The following SHISAL2A variants were observed in gnomAD, a reference collection of about 807,000 sequenced individuals.
SHISAL2A encodes the protein shisa like 2A.
In SHISAL2A, 18 loss-of-function variants were observed where a neutral mutation model predicts 11.5. That is an observed-to-expected ratio of 1.57 (90% CI 1.08 to 2.33). The LOEUF (loss-of-function observed/expected upper bound fraction) is 2.33, where lower values mean the gene tolerates loss of function less well. Among genes scored for constraint, SHISAL2A ranks in the 30% most tolerant of loss-of-function variants. SHISAL2A has a pLI of 0.00. For missense variants in SHISAL2A, 261 were observed against 250.9 expected (o/e 1.04, Z -0.27); for synonymous variants, 94 against 99.6 (o/e 0.94, Z 0.34).
intron 1 of SHISAL2A, among the ~76,000 whole-genome samples, chr1:52,636,514 A>T (rs1245283443): frequency 6.6e-6 from 1 of 152,260 alleles, no homozygotes; most frequent in African/African-American, 2.4e-5. Flanking sequence ...AATAATGCAC[A>T]TGAAAGTGAC....
Position 52,639,815 on chromosome 1 carries a change from G to T in SHISAL2A, c.183-3048G>T, listed in dbSNP as rs1253276195. Among the ~76,000 whole-genome samples, 5 of 152,030 alleles carry T rather than the reference G, an allele frequency of 3.3e-5. No homozygotes were observed. The South Asian group carries it at 1.0e-3, about 32-fold the overall frequency. On this transcript the variant is annotated intron_variant, in intron 1 of 2. Coordinates refer to ENST00000517870, the MANE Select transcript of SHISAL2A (RefSeq NM_001042693.3). ...TGAAAACATTTTTTTTTGAGACAGG[G>T]TCTTGCTCTGTCACCTAGGCTGGAG...
At chr1:52,644,440 G>C (rs183130844) in intron 2 of SHISAL2A, among the ~76,000 whole-genome samples, 1 of 152,300 alleles carries the variant, frequency 6.6e-6, no homozygotes, top group African/African-American at 2.4e-5. Flanking sequence ...AAGTAAGGGT[G>C]ACAGCCGGTT....
At chr1:52,641,912 G>A (rs563393373) in intron 1 of SHISAL2A, among the ~76,000 whole-genome samples, 1 of 152,190 alleles carries the variant, frequency 6.6e-6, no homozygotes, top group South Asian at 2.1e-4. Flanking sequence ...AGACCAGCCT[G>A]GGCAACATGG....
At chr1:52,658,131 C>A (rs1691835966), downstream of SHISAL2A, among the ~76,000 whole-genome samples, 1 of 152,130 alleles carries the variant, frequency 6.6e-6, no homozygotes, top group South Asian at 2.1e-4. Context: ...CCTCCGCCTT[C>A]CGGGTTCAAG....
chr1:52,640,627 C>G (rs564443253), intron 1 of SHISAL2A, among the ~76,000 whole-genome samples: 1 of 150,172 alleles, frequency 6.7e-6, no homozygotes, highest in African/African-American at 2.4e-5. Flanking sequence ...AAAAAACAAA[C>G]AAAAAAAAAC....
intron 4 of SHISAL2A, among the ~76,000 whole-genome samples, chr1:52,663,752 A>G (rs572899348): frequency 2.8e-4 from 43 of 152,274 alleles, no homozygotes; most frequent in Admixed American, 5.9e-4. Flanking sequence ...CAAGAGCGAA[A>G]CTGCGTCTAA....
intron 2 of SHISAL2A, among the ~76,000 whole-genome samples, chr1:52,648,109 T>G (rs1691544676): frequency 6.8e-6 from 1 of 147,946 alleles, no homozygotes; most frequent in Admixed American, 6.8e-5. Context: ...TAATATATAA[T>G]TATATATAAT....
At chr1:52,635,670 T>C (rs1436768127) in intron 1 of SHISAL2A, among the ~76,000 whole-genome samples, 1 of 152,086 alleles carries the variant, frequency 6.6e-6, no homozygotes, top group Non-Finnish European at 1.5e-5. Context: ...TTACAAATCA[T>C]GTGACCTCCA....
Position 52,633,693 on chromosome 1 carries a change from C to A in SHISAL2A, c.182+18C>A, listed in dbSNP as rs768360039. 3 of 1,591,090 alleles carry A rather than the reference C, an allele frequency of 1.9e-6. No individual in the cohort carries two copies. Among genetic ancestry groups the A allele is most frequent in the East Asian group, 4.8e-5 (2 of 42,034 alleles). On this transcript the variant is annotated intron_variant, in intron 1 of 2. Transcript: ENST00000517870. The surrounding 1 kb of genome is among the most constrained non-coding windows in gnomAD (Gnocchi z 6.4). ...TGGCTCAGGTACCGTCCCTGGCCCT[C>A]ACCCTACCTTGAACCCCACTCCAGT...
At chr1:52,647,242 C>G (rs1469525721) in intron 2 of SHISAL2A, among the ~76,000 whole-genome samples, 1 of 152,062 alleles carries the variant, frequency 6.6e-6, no homozygotes, top group African/African-American at 2.4e-5. Context: ...TAAACAGAAA[C>G]ACACATAGAA....
At chr1:52,661,228 A>G (rs1691901618), downstream of SHISAL2A, among the ~76,000 whole-genome samples, 2 of 152,194 alleles carry the variant, frequency 1.3e-5, no homozygotes, top group Non-Finnish European at 2.9e-5. Flanking sequence ...GGTTTCAAGC[A>G]TGGAAAGGAA....
At chr1:52,655,562 G>A (rs1286677756) in intron 2 of SHISAL2A, among the ~76,000 whole-genome samples, 1 of 151,712 alleles carries the variant, frequency 6.6e-6, no homozygotes, top group African/African-American at 2.4e-5. Flanking sequence ...GGAGGTCAAG[G>A]CTGTAGTGCG....
At chr1:52,660,875 G>C (rs562905900), downstream of SHISAL2A, among the ~76,000 whole-genome samples, 2 of 152,256 alleles carry the variant, frequency 1.3e-5, no homozygotes, top group Admixed American at 1.3e-4. Context: ...ATTGCTACAG[G>C]CATTTACAAA....
chr1:52,641,791 A>C (rs553519940), intron 1 of SHISAL2A, among the ~76,000 whole-genome samples: 27 of 150,628 alleles, frequency 1.8e-4, no homozygotes, highest in Non-Finnish European at 3.0e-4. Flanking sequence ...TCTTTTTTTT[A>C]AAAAAAGAGG....
intron 4 of SHISAL2A, among the ~76,000 whole-genome samples, chr1:52,665,586 C>G (rs918024309): frequency 6.6e-6 from 1 of 152,198 alleles, no homozygotes; most frequent in African/African-American, 2.4e-5. Context: ...CATTTTTCTT[C>G]CATTAAGTCG....
At chr1:52,635,059 G>T (rs367985314) in intron 1 of SHISAL2A, among the ~76,000 whole-genome samples, 1 of 152,098 alleles carries the variant, frequency 6.6e-6, no homozygotes, top group East Asian at 1.9e-4. Context: ...TTATATTAAT[G>T]TATTTTCTGT....
At chr1:52,664,981 G>C (rs146527801) in intron 4 of SHISAL2A, among the ~76,000 whole-genome samples, 1 of 152,008 alleles carries the variant, frequency 6.6e-6, no homozygotes, top group Non-Finnish European at 1.5e-5. Context: ...TAGAGACGAG[G>C]TTTTGCCAAG....
At chr1:52,638,464 T>TA (rs1691286936) in intron 1 of SHISAL2A, among the ~76,000 whole-genome samples, 1 of 152,040 alleles carries the variant, frequency 6.6e-6, no homozygotes, top group East Asian at 1.9e-4. Flanking sequence ...ATACTCAATG[T>TA]AAAAAATGTG....
intron 2 of SHISAL2A, among the ~76,000 whole-genome samples, chr1:52,653,228 C>T (rs773908033): frequency 1.5e-5 from 2 of 136,974 alleles, no homozygotes; most frequent in Non-Finnish European, 3.0e-5. Context: ...ACTGGAGGAT[C>T]GCTTGAGCCC....
Sources: gnomAD v4.1 joint callset for allele counts (sites outside exome capture counted in the v4.1 genomes callset) on GRCh38, gnomAD v4.1.1 for gene constraint, Gnocchi (gnomAD v3.1) non-coding constraint, MANE v1.5 for transcripts, NCBI Gene and HGNC (gene_info 2026-07-23, HGNC 2026-07-21) for gene names.